The following GABBR2 variants were observed in gnomAD, a reference collection of about 807,000 sequenced individuals.
GABBR2 encodes the protein G-protein coupled receptor 51.
A neutral mutation model predicts 105.6 loss-of-function variants in GABBR2; 23 were observed. The ratio of observed to expected loss-of-function variants is 0.22; its 90% CI spans 0.16 to 0.31. The LOEUF is 0.31. GABBR2 is among the 10% of genes least tolerant of loss of function. The pLI is 1.00. For missense variants in GABBR2, 734 were observed against 1,245.5 expected (o/e 0.59, Z 6.18); for synonymous variants, 478 against 499.7 (o/e 0.96, Z 0.58).
chr9:98,499,844 G>A (rs1268575915), intron 3 of GABBR2, among the ~76,000 whole-genome samples: 1 of 152,240 alleles, frequency 6.6e-6, no homozygotes, highest in Non-Finnish European at 1.5e-5. Flanking sequence ...CTGAGGTCAG[G>A]AGTTCAAAAC....
chr9:98,427,078 G>T (rs1026051031), intron 7 of GABBR2, among the ~76,000 whole-genome samples: 1 of 152,212 alleles, frequency 6.6e-6, no homozygotes, highest in Non-Finnish European at 1.5e-5. Flanking sequence ...CTGCTTTGAT[G>T]GTCCCAGTGT....
intron 13 of GABBR2, among the ~76,000 whole-genome samples, chr9:98,321,612 T>C (rs1355394873): frequency 6.6e-6 from 1 of 152,134 alleles, no homozygotes; most frequent in Non-Finnish European, 1.5e-5. Context: ...TGGGGACCAC[T>C]GTAGGACCCT....
chr9:98,369,703 G>C (rs935678247), intron 12 of GABBR2, among the ~76,000 whole-genome samples: 3 of 152,086 alleles, frequency 2.0e-5, no homozygotes, highest in Non-Finnish European at 4.4e-5. Flanking sequence ...AGAACAACAG[G>C]CTCCATGTTC....
At chr9:98,422,825 C>T (rs1180087843) in intron 7 of GABBR2, among the ~76,000 whole-genome samples, 33 of 147,998 alleles carry the variant, frequency 2.2e-4, no homozygotes, top group African/African-American at 7.0e-4. Context: ...TGTGTTCTCA[C>T]TGTTCAATTC....
chr9:98,473,076 G>T (rs1359595839), intron 6 of GABBR2, 70 bp downstream of exon 6: 4 of 1,166,216 alleles, frequency 3.4e-6, no homozygotes, highest in African/African-American at 1.5e-5. Flanking sequence ...TGCTCTTTTG[G>T]CCAATGTCAT....
intron 2 of GABBR2, among the ~76,000 whole-genome samples, chr9:98,569,371 A>C (rs1828795000): frequency 6.6e-6 from 1 of 151,566 alleles, no homozygotes; most frequent in Non-Finnish European, 1.5e-5. Context: ...TCCATCCCTG[A>C]CTCCTTATTT....
At chr9:98,686,166 C>T (rs1290206838) in intron 1 of GABBR2, among the ~76,000 whole-genome samples, 1 of 152,142 alleles carries the variant, frequency 6.6e-6, no homozygotes, top group African/African-American at 2.4e-5. Flanking sequence ...CAGGTGATGT[C>T]TGATATCTCC....
chr9:98,410,282 G>C (rs1209339661), intron 7 of GABBR2, among the ~76,000 whole-genome samples: 1 of 152,240 alleles, frequency 6.6e-6, no homozygotes, highest in South Asian at 2.1e-4. Flanking sequence ...CAGGTGATGA[G>C]TTAAATTCTA....
chr9:98,351,635 G>A (rs1206322021), intron 13 of GABBR2, among the ~76,000 whole-genome samples: 1 of 152,100 alleles, frequency 6.6e-6, no homozygotes, highest in East Asian at 1.9e-4. Flanking sequence ...TTCATTCATT[G>A]AATTCTTCAG....
At chr9:98,361,528 C>T (rs1480665333) in intron 13 of GABBR2, among the ~76,000 whole-genome samples, 3 of 152,200 alleles carry the variant, frequency 2.0e-5, no homozygotes. Context: ...ATGAAGGGGG[C>T]ATTCCCTTGG....
chr9:98,480,321 A>G (rs78626007), intron 5 of GABBR2, among the ~76,000 whole-genome samples: 3 of 151,134 alleles, frequency 2.0e-5, no homozygotes, highest in African/African-American at 4.9e-5. Flanking sequence ...TTTTTTTTTT[A>G]GAGACTAGAT....
intron 8 of GABBR2, among the ~76,000 whole-genome samples, chr9:98,398,324 C>T (rs1198066642): frequency 6.7e-6 from 1 of 150,244 alleles, no homozygotes; most frequent in African/African-American, 2.5e-5. Flanking sequence ...ATTCTAGGAC[C>T]CACCCCCCAA....
At chr9:98,478,143 C>T (rs1354958862) in intron 5 of GABBR2, among the ~76,000 whole-genome samples, 11 of 152,218 alleles carry the variant, frequency 7.2e-5, no homozygotes, top group Non-Finnish European at 1.3e-4. Flanking sequence ...CTGGAGTCTG[C>T]GATCCCATTG....
chr9:98,496,015 C>T (rs2131670325), intron 4 of GABBR2: 1 of 188,562 alleles, frequency 5.3e-6, no homozygotes, highest in African/African-American at 2.3e-5. Context: ...GAGAGTGTCA[C>T]CGGATAGGGG....
At chr9:98,615,528 C>G (rs911687218) in intron 1 of GABBR2, among the ~76,000 whole-genome samples, 3 of 152,220 alleles carry the variant, frequency 2.0e-5, no homozygotes, top group African/African-American at 7.2e-5. Flanking sequence ...TTCTCCTCCC[C>G]ACCCCCAGGA....
chr9:98,469,113 G>T (rs1826617055), intron 6 of GABBR2, among the ~76,000 whole-genome samples: 1 of 152,154 alleles, frequency 6.6e-6, no homozygotes, highest in African/African-American at 2.4e-5. Flanking sequence ...AGTTATATTG[G>T]TCCATTCTCA....
intron 1 of GABBR2, among the ~76,000 whole-genome samples, chr9:98,634,155 T>A (rs1326609377): frequency 6.6e-6 from 1 of 152,108 alleles, no homozygotes; most frequent in African/African-American, 2.4e-5. Context: ...GGTAGGACAA[T>A]AAGCATCAGC....
chr9:98,638,556 T>G (rs552282795), intron 1 of GABBR2, among the ~76,000 whole-genome samples: 1 of 152,190 alleles, frequency 6.6e-6, no homozygotes, highest in Non-Finnish European at 1.5e-5. Context: ...ATACAAAGGC[T>G]GGATACAAAA....
At position 98,567,576 on chromosome 9, in the gene GABBR2, C is replaced by T. The variant is rs111706584; in HGVS notation, c.459+10359G>A. On this transcript the variant is annotated intron_variant, in intron 2 of 18. Transcript: ENST00000259455. Reference sequence around the variant, plus strand: ...TGGAGACCTATACATTTTCAGGGCCCGGTTGGCATCACAGTTGCGGTAACA... The same window carrying T: ...TGGAGACCTATACATTTTCAGGGCCTGGTTGGCATCACAGTTGCGGTAACA... 1.8e-3 allele frequency among the ~76,000 whole-genome samples: 277 copies of T among 152,248 alleles called. 1 individual carries two copies. The highest frequency in any genetic ancestry group is 5.4e-3 in the African/African-American group (225 of 41,548).
Sources: allele counts gnomAD v4.1 joint callset (sites outside exome capture counted in the v4.1 genomes callset), GRCh38; gene constraint gnomAD v4.1.1; transcripts MANE v1.5; gene names NCBI Gene and HGNC (gene_info 2026-07-23, HGNC 2026-07-21).